RBFOX1: variants seen among roughly 807,000 people sequenced by gnomAD.
RBFOX1 encodes the protein RNA binding protein fox-1 homolog 1.
In RBFOX1, 8 loss-of-function variants were observed where a neutral mutation model predicts 57.7. The observed-to-expected ratio is 0.14, with a 90% CI of 0.08 to 0.25. RBFOX1 has a LOEUF of 0.25. RBFOX1 is among the 10% of genes least tolerant of loss of function. The pLI is 1.00. For missense variants in RBFOX1, 611 were observed against 548.5 expected (o/e 1.11, Z -1.14); for synonymous variants, 326 against 222.4 (o/e 1.47, Z -4.15).
At chr16:5,491,081 C>G (rs1468522339) in intron 2 of RBFOX1, among the ~76,000 whole-genome samples, 1 of 152,098 alleles carries the variant, frequency 6.6e-6, no homozygotes, top group Non-Finnish European at 1.5e-5. Context: ...GTTTCTGTAC[C>G]TGCTTCATTA....
At chr16:7,388,190 G>T (rs967159222) in intron 4 of RBFOX1, among the ~76,000 whole-genome samples, 2 of 152,108 alleles carry the variant, frequency 1.3e-5, no homozygotes, top group African/African-American at 4.8e-5. Flanking sequence ...AAAAGATTAA[G>T]CCTTTCCTTC....
chr16:7,663,658 G>A (rs188871585), intron 12 of RBFOX1, among the ~76,000 whole-genome samples: 14 of 152,222 alleles, frequency 9.2e-5, no homozygotes, highest in Admixed American at 8.5e-4. Flanking sequence ...TCATTCAATG[G>A]TGGGGCTCAT....
chr16:6,886,897 A>G (rs1275358174), intron 3 of RBFOX1, among the ~76,000 whole-genome samples: 1 of 152,192 alleles, frequency 6.6e-6, no homozygotes, highest in African/African-American at 2.4e-5. Context: ...GCATTAGGTC[A>G]CTTAGCCAAT....
intron 4 of RBFOX1, among the ~76,000 whole-genome samples, chr16:7,105,574 C>T (rs1039701110): frequency 1.3e-5 from 2 of 152,020 alleles, no homozygotes; most frequent in Non-Finnish European, 2.9e-5. Flanking sequence ...TGAGAACATA[C>T]AACGTTTGGT....
chr16:6,243,508 G>A (rs1322072616), intron 1 of RBFOX1, among the ~76,000 whole-genome samples: 1 of 152,064 alleles, frequency 6.6e-6, no homozygotes, highest in African/African-American at 2.4e-5. Context: ...ACTCCTGAGG[G>A]AGGCATCTTC....
chr16:6,600,630 A>G (rs1340706606), intron 2 of RBFOX1, among the ~76,000 whole-genome samples: 1 of 152,220 alleles, frequency 6.6e-6, no homozygotes, highest in South Asian at 2.1e-4. Context: ...CAGAACTGAA[A>G]CAGTGGACGG....
intron 3 of RBFOX1, among the ~76,000 whole-genome samples, chr16:6,813,304 C>T (rs1443446373): frequency 6.6e-6 from 1 of 152,178 alleles, no homozygotes; most frequent in African/African-American, 2.4e-5. Flanking sequence ...CATGAAACAA[C>T]CCTCTTCGTT....
rs758956573 is a variant in RBFOX1, at chr16:7,021,304, C to CTA, written c.-15-30741_-15-30740dup. ...GTTTCATTTTATTTTCTCTCTCTCT[C>CTA]TATATATATATATTTACTTTTTAAT... is the stretch of plus-strand genomic sequence containing the variant. On this transcript the variant is annotated intron_variant, in intron 3 of 15. Transcript: ENST00000550418. 1.9e-3 allele frequency among the ~76,000 whole-genome samples: 279 copies of CTA among 147,970 alleles called. 4 individuals are homozygous for CTA. The highest frequency in any genetic ancestry group is 0.013 in the East Asian group (64 of 5,088).
intron 1 of RBFOX1, among the ~76,000 whole-genome samples, chr16:6,217,321 A>G (rs137903516): frequency 6.3e-4 from 96 of 152,122 alleles, no homozygotes; most frequent in Non-Finnish European, 1.2e-3. Context: ...TGGAGCATGC[A>G]TGTGTTTTCT....
chr16:7,419,754 G>C (rs959988595), intron 4 of RBFOX1, among the ~76,000 whole-genome samples: 1 of 151,954 alleles, frequency 6.6e-6, no homozygotes, highest in Non-Finnish European at 1.5e-5. Context: ...TTAATTTTCC[G>C]TGGCACCTCC....
At chr16:7,053,189 A>G (rs1357786809) in intron 4 of RBFOX1, among the ~76,000 whole-genome samples, 1 of 152,202 alleles carries the variant, frequency 6.6e-6, no homozygotes, top group East Asian at 1.9e-4. Context: ...ACTTGGGTAA[A>G]ATAAACAACA....
chr16:6,138,434 G>C (rs888995428), intron 1 of RBFOX1, among the ~76,000 whole-genome samples: 1 of 152,230 alleles, frequency 6.6e-6, no homozygotes, highest in Admixed American at 6.5e-5. Flanking sequence ...AACTGGTATA[G>C]ATCTACTTCC....
chr16:6,983,266 C>G (rs945715131), intron 3 of RBFOX1, among the ~76,000 whole-genome samples: 8 of 152,106 alleles, frequency 5.3e-5, no homozygotes, highest in Non-Finnish European at 1.0e-4. Flanking sequence ...TCACTAGTAA[C>G]TGCATTAGAA....
intron 2 of RBFOX1, among the ~76,000 whole-genome samples, chr16:6,425,626 G>A (rs2093903829): frequency 1.3e-5 from 2 of 151,922 alleles, no homozygotes; most frequent in Admixed American, 6.6e-5. Context: ...GAAGAAAATT[G>A]TTTGTTTTGA....
At chr16:6,944,268 G>C (rs550610174) in intron 3 of RBFOX1, among the ~76,000 whole-genome samples, 1 of 151,946 alleles carries the variant, frequency 6.6e-6, no homozygotes, top group Non-Finnish European at 1.5e-5. Context: ...GGTGGTGGGC[G>C]CCTGTAATCC....
chr16:6,760,123 A>G (rs1007766289), intron 3 of RBFOX1, among the ~76,000 whole-genome samples: 12 of 152,154 alleles, frequency 7.9e-5, no homozygotes, highest in Non-Finnish European at 1.0e-4. Flanking sequence ...GAAGGTAGAA[A>G]TATGTTTTCT....
chr16:5,797,379 C>G (rs534383496), intron 3 of RBFOX1, among the ~76,000 whole-genome samples: 9 of 152,306 alleles, frequency 5.9e-5, no homozygotes, highest in African/African-American at 1.9e-4. Context: ...CTTGGAACAT[C>G]TCCATTGGGT....
chr16:7,574,050 G>C (rs1008250791), intron 5 of RBFOX1, among the ~76,000 whole-genome samples: 1 of 152,084 alleles, frequency 6.6e-6, no homozygotes, highest in South Asian at 2.1e-4. Flanking sequence ...TTGTCATAAC[G>C]TTCAGCAAGC....
At chr16:6,006,351 G>T (rs2094927139) in intron 4 of RBFOX1, among the ~76,000 whole-genome samples, 1 of 150,178 alleles carries the variant, frequency 6.7e-6, no homozygotes, top group Admixed American at 6.7e-5. Context: ...CACACACAAG[G>T]ATTTGTTTGA....
Sources: gnomAD v4.1 joint callset for allele counts (sites outside exome capture counted in the v4.1 genomes callset) on GRCh38, gnomAD v4.1.1 for gene constraint, MANE v1.5 for transcripts, NCBI Gene and HGNC (gene_info 2026-07-23, HGNC 2026-07-21) for gene names.